Variants in MYRIP observed in about 807,000 individuals in gnomAD.
MYRIP encodes rab effector MyRIP.
In MYRIP, 49 loss-of-function variants were observed where a neutral mutation model predicts 98.0. That is an observed-to-expected ratio of 0.50 (90% CI 0.40 to 0.63). The LOEUF (loss-of-function observed/expected upper bound fraction) is 0.63, where lower values mean the gene tolerates loss of function less well. MYRIP is among the 30% of genes least tolerant of loss of function. The probability of loss-of-function intolerance (pLI) is 0.00; values close to 1 mark genes in which losing one functional copy is unlikely to be tolerated. For synonymous variants in MYRIP, 404 were observed against 409.5 expected, an observed-to-expected ratio of 0.99 and a Z score of 0.16; for missense variants, 1,004 against 1,058.2, an observed-to-expected ratio of 0.95 and a Z score of 0.71.
chr3:40,062,072 T>G (rs543864362), intron 3 of MYRIP, among the ~76,000 whole-genome samples: 2 of 152,368 alleles, frequency 1.3e-5, no homozygotes, highest in East Asian at 3.9e-4. Context: ...GATAGTTTCT[T>G]TTGCTGTGCA....
intron 2 of MYRIP, among the ~76,000 whole-genome samples, chr3:39,935,108 C>T (rs1488127977): frequency 6.6e-6 from 1 of 152,172 alleles, no homozygotes; most frequent in African/African-American, 2.4e-5. Context: ...AAACCACATA[C>T]CTTGAGTTCA....
intron 8 of MYRIP, among the ~76,000 whole-genome samples, chr3:40,178,242 T>C (rs2125610456): frequency 6.6e-6 from 1 of 152,238 alleles, no homozygotes; most frequent in Middle Eastern, 3.4e-3. Context: ...CAATCTATGG[T>C]TCCAAGGGAT....
chr3:39,850,565 C>T (rs1407754794), intron 1 of MYRIP, among the ~76,000 whole-genome samples: 2 of 151,302 alleles, frequency 1.3e-5, no homozygotes, highest in Admixed American at 1.3e-4. Flanking sequence ...TAAATATTCT[C>T]CTTAAAAAAA....
chr3:39,881,573 T>A (rs1181256597), intron 1 of MYRIP, among the ~76,000 whole-genome samples: 1 of 152,188 alleles, frequency 6.6e-6, no homozygotes, highest in African/African-American at 2.4e-5. Flanking sequence ...GTTCTTGATG[T>A]CGATTTTTAA....
chr3:39,983,984 G>C (rs966247404), intron 2 of MYRIP, among the ~76,000 whole-genome samples: 1 of 151,968 alleles, frequency 6.6e-6, no homozygotes, highest in Non-Finnish European at 1.5e-5. Flanking sequence ...AGAAAGCTTG[G>C]AAAAAACTTT....
At chr3:40,115,797 T>C (rs1256988506) in intron 3 of MYRIP, among the ~76,000 whole-genome samples, 4 of 151,424 alleles carry the variant, frequency 2.6e-5, no homozygotes, top group African/African-American at 9.7e-5. Flanking sequence ...CACAGTTCTT[T>C]TTTTTTTTTT....
At chr3:39,889,805 A>G (rs1413046774) in intron 1 of MYRIP, among the ~76,000 whole-genome samples, 1 of 152,136 alleles carries the variant, frequency 6.6e-6, no homozygotes, top group African/African-American at 2.4e-5. Flanking sequence ...TTTGTGTCAT[A>G]TTGAGAAAGG....
At chr3:39,986,586 G>T (rs1559549204) in intron 2 of MYRIP, among the ~76,000 whole-genome samples, 1 of 152,126 alleles carries the variant, frequency 6.6e-6, no homozygotes, top group Non-Finnish European at 1.5e-5. Flanking sequence ...TTCCACAGTG[G>T]ATGCTGCAGC....
At chr3:40,110,650 G>GT (rs916913673) in intron 3 of MYRIP, among the ~76,000 whole-genome samples, 48 of 152,098 alleles carry the variant, frequency 3.2e-4, no homozygotes, top group Admixed American at 1.5e-3. Context: ...TGGGCACCCT[G>GT]TGTCCTCTGA....
intron 1 of MYRIP, among the ~76,000 whole-genome samples, chr3:39,864,286 G>A (rs1942557664): frequency 6.6e-6 from 1 of 152,030 alleles, no homozygotes; most frequent in Non-Finnish European, 1.5e-5. Flanking sequence ...ACATACTGTT[G>A]GAAGTCCTAG....
At chr3:39,851,250 A>G (rs1015946619) in intron 1 of MYRIP, among the ~76,000 whole-genome samples, 4 of 151,422 alleles carry the variant, frequency 2.6e-5, no homozygotes, top group Non-Finnish European at 4.4e-5. Context: ...CAGACTCTGC[A>G]GTGATGACAG....
intron 2 of MYRIP, among the ~76,000 whole-genome samples, chr3:39,914,627 G>T (rs1253713497): frequency 6.6e-6 from 1 of 152,008 alleles, no homozygotes; most frequent in Non-Finnish European, 1.5e-5. Context: ...AACTTTTTAA[G>T]TATAGAACTC....
intron 2 of MYRIP, among the ~76,000 whole-genome samples, chr3:40,033,614 A>T (rs1158234360): frequency 6.6e-6 from 1 of 152,248 alleles, no homozygotes; most frequent in African/African-American, 2.4e-5. Flanking sequence ...ATGGGTAGGA[A>T]GAATCAACAT....
rs557961103 is a variant in MYRIP at position 40,122,187 on chromosome 3, AAAACTTTTTAAT to A, written c.333-28858_333-28847del. On this transcript the variant is annotated intron_variant, in intron 3 of 16. Transcript: ENST00000302541. The stretch of plus-strand genomic sequence containing the variant: ...TTAACTCAGAAAGTGTGATGCACAT[AAAACTTTTTAAT>A]AAGAGATATGAATATACCTTCTGAA... Among the ~76,000 whole-genome samples, 241 of 152,220 alleles carry A rather than the reference AAAACTTTTTAAT, an allele frequency of 1.6e-3. 1 individual carries two copies. The highest frequency in any genetic ancestry group is 5.4e-3 in the African/African-American group (226 of 41,572).
At chr3:40,012,517 G>A (rs1213863876) in intron 2 of MYRIP, among the ~76,000 whole-genome samples, 1 of 152,130 alleles carries the variant, frequency 6.6e-6, no homozygotes, top group Non-Finnish European at 1.5e-5. Context: ...GGGCCCCAGG[G>A]TGCCCAAGTT....
At chr3:39,830,685 C>T (rs1941415688) in intron 1 of MYRIP, among the ~76,000 whole-genome samples, 1 of 152,114 alleles carries the variant, frequency 6.6e-6, no homozygotes, top group Non-Finnish European at 1.5e-5. Flanking sequence ...ATTTTCTTCT[C>T]CTCTGAATTT....
At chr3:39,868,810 T>G (rs1261256998) in intron 1 of MYRIP, among the ~76,000 whole-genome samples, 1 of 152,174 alleles carries the variant, frequency 6.6e-6, no homozygotes, top group Non-Finnish European at 1.5e-5. Context: ...TGTAAGTCTT[T>G]TTGGATATAA....
intron 6 of MYRIP, 102 bp downstream of exon 6, chr3:40,167,045 C>G (rs1376212255): frequency 7.3e-7 from 1 of 1,370,206 alleles, no homozygotes; most frequent in East Asian, 2.3e-5. Flanking sequence ...CCCAGCAGCT[C>G]TGACTAGAGC....
At chr3:39,850,568 T>TA (rs142019455) in intron 1 of MYRIP, among the ~76,000 whole-genome samples, 5,555 of 152,278 alleles carry the variant, frequency 0.036, 297 homozygotes, top group African/African-American at 0.11. Flanking sequence ...ATATTCTCCT[T>TA]AAAAAAATCT....
Sources: gnomAD v4.1 joint callset for allele counts (sites outside exome capture counted in the v4.1 genomes callset) on GRCh38, gnomAD v4.1.1 for gene constraint, MANE v1.5 for transcripts, NCBI Gene and HGNC (gene_info 2026-07-23, HGNC 2026-07-21) for gene names.